The following UNC13C variants were observed in gnomAD, a reference collection of about 807,000 sequenced individuals.
UNC13C encodes unc-13 homolog C, also known as protein unc-13 homolog C.
A neutral mutation model predicts 245.4 loss-of-function variants in UNC13C; 174 were observed. That is an observed-to-expected ratio of 0.71 (90% CI 0.63 to 0.80). The LOEUF (loss-of-function observed/expected upper bound fraction) is 0.80. UNC13C is among the 30% of genes least tolerant of loss of function. UNC13C has a pLI of 0.00. For synonymous variants in UNC13C, 992 were observed against 895.1 expected (o/e 1.11, Z -1.93); for missense variants, 2,829 against 2,602.9 (o/e 1.09, Z -1.89).
chr15:54,269,386 T>C (rs2036628262), intron 10 of UNC13C, among the ~76,000 whole-genome samples: 2 of 152,030 alleles, frequency 1.3e-5, no homozygotes, highest in Non-Finnish European at 2.9e-5. Flanking sequence ...ATTTGATTGA[T>C]AAGCCAAAAA....
Position 54,250,371 on chromosome 15 carries a change from C to T in UNC13C, c.3375C>T (p.Gly1125=). 2 of 1,613,934 alleles carry T rather than the reference C, an allele frequency of 1.2e-6. No homozygotes were observed. The highest frequency in any genetic ancestry group is 1.7e-6 in the Non-Finnish European group (2 of 1,179,878). The change falls in exon 8 of 33, where the codon GGC becomes GGT. Residue 1125 remains glycine (G), a synonymous_variant. Coordinates refer to ENST00000260323, the MANE Select transcript of UNC13C (RefSeq NM_001080534.3). Reference sequence around the variant, plus strand: ...TCCTGTGGGGCATTGCAAGGCAAGGCATGAAGTGTCTGGAGTGTGGAGTGA... The same window carrying T: ...TCCTGTGGGGCATTGCAAGGCAAGGTATGAAGTGTCTGGAGTGTGGAGTGA... ...EGLLWGIARQ[G]MKCLECGVKC...
chr15:54,287,082 T>C (rs781313629), intron 10 of UNC13C, among the ~76,000 whole-genome samples: 2 of 152,176 alleles, frequency 1.3e-5, no homozygotes, highest in Non-Finnish European at 2.9e-5. Context: ...AAAGCCAAAT[T>C]CACAAACTGG....
intron 10 of UNC13C, among the ~76,000 whole-genome samples, chr15:54,289,867 C>T (rs1010331850): frequency 1.3e-5 from 2 of 152,030 alleles, no homozygotes; most frequent in Non-Finnish European, 2.9e-5. Flanking sequence ...GAGTTTACAC[C>T]TTGCTTGAAT....
chr15:54,143,082 C>T (rs1418111176), intron 3 of UNC13C, 42 bp downstream of exon 3: 7 of 1,572,984 alleles, frequency 4.5e-6, no homozygotes, highest in African/African-American at 1.3e-5. Flanking sequence ...GGAATCTTGT[C>T]TTTTGTACAT....
At chr15:54,138,374 C>T (rs12916673) in intron 2 of UNC13C, among the ~76,000 whole-genome samples, 55,759 of 151,800 alleles carry the variant, frequency 0.37, 10,314 homozygotes, top group Admixed American at 0.39. Context: ...TAACCTATTA[C>T]TGAAGTTTAA....
intron 17 of UNC13C, among the ~76,000 whole-genome samples, chr15:54,382,750 A>G (rs937573013): frequency 4.6e-5 from 7 of 152,136 alleles, no homozygotes; most frequent in Non-Finnish European, 7.4e-5. Flanking sequence ...AAAGAAACCA[A>G]TGCAAAAGTT....
chr15:53,902,914 A>G, the UNC13C span, among the ~76,000 whole-genome samples: 8 of 152,162 alleles, frequency 5.3e-5, no homozygotes, highest in African/African-American at 1.9e-4. Flanking sequence ...GATGGAGGAA[A>G]AATTGAGAAG....
downstream of UNC13C, chr15:54,631,739 T>C (rs901674733): frequency 1.3e-5 from 2 of 152,226 alleles, no homozygotes; most frequent in African/African-American, 4.8e-5. Flanking sequence ...AAAGATTTCA[T>C]TCACCACTTA....
chr15:54,492,452 A>T (rs1022121030), intron 19 of UNC13C, among the ~76,000 whole-genome samples: 2 of 152,200 alleles, frequency 1.3e-5, no homozygotes, highest in Non-Finnish European at 2.9e-5. Flanking sequence ...TTAAATGGCC[A>T]TCTAGTTGGC....
intron 2 of UNC13C, among the ~76,000 whole-genome samples, chr15:54,082,134 A>ATGG (rs1898975910): frequency 1.3e-5 from 2 of 152,148 alleles, no homozygotes; most frequent in Non-Finnish European, 1.5e-5. Flanking sequence ...CTGGTTTAGA[A>ATGG]GACCGCTGTT....
intron 2 of UNC13C, among the ~76,000 whole-genome samples, chr15:54,101,307 C>G (rs537489438): frequency 6.6e-6 from 1 of 152,218 alleles, no homozygotes; most frequent in Admixed American, 6.5e-5. Flanking sequence ...TTTACTGCCG[C>G]TCTGCTGCTA....
intron 6 of UNC13C, 30 bp downstream of exon 6, chr15:54,236,465 A>AT: frequency 6.3e-7 from 1 of 1,581,674 alleles, no homozygotes. Flanking sequence ...TTTAATTAAT[A>AT]TTTTGCAGTC....
At position 54,411,217 on chromosome 15, in the gene UNC13C, G is replaced by T. The variant is rs186852817; in HGVS notation, c.4848-3765G>T. On this transcript the variant is annotated intron_variant, in intron 18 of 32. Transcript: ENST00000260323. The stretch of plus-strand genomic sequence containing the variant: ...TTTTTTCTCTATTATTGAGATTTTA[G>T]TGTAATGTATATATCCTGATATAAG... 3.1e-3 allele frequency among the ~76,000 whole-genome samples: 474 copies of T among 152,062 alleles called. 4 individuals carry two copies. The highest frequency in any genetic ancestry group is 7.7e-4 in the East Asian group (4 of 5,170).
At chr15:53,842,900 T>TTATA in the UNC13C span, among the ~76,000 whole-genome samples, 7,803 of 145,884 alleles carry the variant, frequency 0.053, 429 homozygotes, top group African/African-American at 0.14. Context: ...ATTTTAAGTT[T>TTATA]TATATATATA....
chr15:53,932,251 G>T, the UNC13C span, among the ~76,000 whole-genome samples: 42 of 152,082 alleles, frequency 2.8e-4, no homozygotes, highest in Non-Finnish European at 4.9e-4. Context: ...AGAGGTTGCA[G>T]TGAGCCGAGA....
At chr15:54,267,224 G>A (rs28533644) in intron 10 of UNC13C, among the ~76,000 whole-genome samples, 7,230 of 145,682 alleles carry the variant, frequency 0.05, 680 homozygotes, top group African/African-American at 0.19. Context: ...GCTGAATCAC[G>A]TATTCGGAAT....
intron 2 of UNC13C, among the ~76,000 whole-genome samples, chr15:54,086,726 T>G (rs28712590): frequency 1.5e-5 from 2 of 136,246 alleles, no homozygotes; most frequent in South Asian, 5.0e-4. Context: ...TATGTGTTGC[T>G]TATTTTCTTT....
chr15:53,940,182 G>T, the UNC13C span, among the ~76,000 whole-genome samples: 1 of 152,088 alleles, frequency 6.6e-6, no homozygotes. Flanking sequence ...AAAGGTTTGG[G>T]GGAAGGGTGG....
Position 54,165,951 on chromosome 15 carries a change from T to C in UNC13C, c.3071+22267T>C, listed in dbSNP as rs2033150004. On this transcript the variant is annotated intron_variant, in intron 4 of 32. Coordinates refer to ENST00000260323, the MANE Select transcript of UNC13C (RefSeq NM_001080534.3). Reference sequence around the variant, plus strand: ...TAACAGGTGAATTCAAAATGTTTTCTTATTTCTTGCCATTTGCATTTGTTA... The same window carrying C: ...TAACAGGTGAATTCAAAATGTTTTCCTATTTCTTGCCATTTGCATTTGTTA... 1.3e-5 allele frequency among the ~76,000 whole-genome samples: 2 copies of C among 152,066 alleles called. 1 individual carries two copies. Among genetic ancestry groups the C allele is most frequent in the South Asian group, 4.1e-4 (2 of 4,828 alleles).
Sources: allele counts gnomAD v4.1 joint callset (sites outside exome capture counted in the v4.1 genomes callset), GRCh38; gene constraint gnomAD v4.1.1; transcripts MANE v1.5; gene names NCBI Gene and HGNC (gene_info 2026-07-23, HGNC 2026-07-21).